Variants in XYLT1 observed in about 807,000 individuals in gnomAD.
The protein encoded by XYLT1 is xylosyltransferase 1.
XYLT1 carries 36 observed loss-of-function variants against 91.3 expected under a neutral mutation model. The observed-to-expected ratio is 0.39, with a 90% CI of 0.30 to 0.52. The LOEUF (loss-of-function observed/expected upper bound fraction) is 0.52, where lower values mean the gene tolerates loss of function less well. Among genes scored for constraint, XYLT1 ranks in the 20% least tolerant of loss-of-function variants. XYLT1 has a pLI of 0.68. For synonymous variants in XYLT1, 588 were observed against 532.0 expected, an observed-to-expected ratio of 1.11 and a Z score of -1.45; for missense variants, 1,242 against 1,284.5, an observed-to-expected ratio of 0.97 and a Z score of 0.51.
At chr16:17,450,369 A>C (rs1431482758) in intron 1 of XYLT1, among the ~76,000 whole-genome samples, 2 of 152,006 alleles carry the variant, frequency 1.3e-5, no homozygotes, top group African/African-American at 2.4e-5. Context: ...AAACAAAAAA[A>C]AAAAGGTGAG....
rs112220050 is a variant in XYLT1 at position 17,151,480 on chromosome 16, G to A, written c.1370+7349C>T. Among the ~76,000 whole-genome samples the A allele has an allele frequency of 1.8e-3, 267 of 152,200 alleles. 2 individuals carry two copies. Among genetic ancestry groups the A allele is most frequent in the Admixed American group, 3.2e-3 (49 of 15,294 alleles). On this transcript the variant is annotated intron_variant, in intron 6 of 11. Coordinates refer to ENST00000261381, the MANE Select transcript of XYLT1 (RefSeq NM_022166.4). ...CTCTGCTTGGCTTCAAGTCTGTCTC[G>A]CCACCTATGAGCTGTGTGTTATTTA...
intron 3 of XYLT1, among the ~76,000 whole-genome samples, chr16:17,235,608 T>C (rs1055289087): frequency 6.6e-6 from 1 of 152,222 alleles, no homozygotes; most frequent in South Asian, 2.1e-4. Context: ...GTAGAAATTA[T>C]GCATTCAGGA....
intron 1 of XYLT1, among the ~76,000 whole-genome samples, chr16:17,364,870 A>C (rs552230208): frequency 1.3e-3 from 205 of 152,298 alleles, no homozygotes; most frequent in African/African-American, 4.7e-3. Flanking sequence ...ACTGAATCAG[A>C]ATCTCTGGGC....
At chr16:17,464,273 G>A (rs1255948392) in intron 1 of XYLT1, among the ~76,000 whole-genome samples, 1 of 152,142 alleles carries the variant, frequency 6.6e-6, no homozygotes, top group Non-Finnish European at 1.5e-5. Context: ...CAGATCACCT[G>A]AGGCCAGGAG....
chr16:17,384,922 A>C (rs1163082721), intron 1 of XYLT1, among the ~76,000 whole-genome samples: 2 of 151,834 alleles, frequency 1.3e-5, no homozygotes, highest in African/African-American at 2.4e-5. Flanking sequence ...GAGAAAGCAA[A>C]AAATCAATCG....
At chr16:17,248,745 A>ATTTTT (rs1045404682) in intron 3 of XYLT1, among the ~76,000 whole-genome samples, 20 of 127,016 alleles carry the variant, frequency 1.6e-4, no homozygotes, top group African/African-American at 6.1e-4. Context: ...TTACATGTGA[A>ATTTTT]TTTTTTTTTT....
At chr16:17,370,473 C>T (rs762003511) in intron 1 of XYLT1, among the ~76,000 whole-genome samples, 13 of 152,078 alleles carry the variant, frequency 8.5e-5, no homozygotes, top group Non-Finnish European at 1.5e-4. Flanking sequence ...GAGACATCTG[C>T]GGGGAGGGCA....
intron 11 of XYLT1, among the ~76,000 whole-genome samples, chr16:17,116,641 C>T (rs989157414): frequency 2.6e-5 from 4 of 152,182 alleles, no homozygotes; most frequent in Non-Finnish European, 5.9e-5. Flanking sequence ...AGCATTTCTG[C>T]ACATGTCTCT....
intron 2 of XYLT1, among the ~76,000 whole-genome samples, chr16:17,352,869 T>G (rs2035241067): frequency 6.6e-6 from 1 of 152,230 alleles, no homozygotes; most frequent in Non-Finnish European, 1.5e-5. Flanking sequence ...TGCTGTATCT[T>G]TCACAGTTAG....
intron 1 of XYLT1, among the ~76,000 whole-genome samples, chr16:17,404,104 G>T (rs539577065): frequency 5.1e-4 from 78 of 152,266 alleles, no homozygotes; most frequent in African/African-American, 1.6e-3. Flanking sequence ...TGTGGTTGGG[G>T]GGGGGGCTCA....
At chr16:17,451,520 T>C (rs1417764565) in intron 1 of XYLT1, among the ~76,000 whole-genome samples, 1 of 152,218 alleles carries the variant, frequency 6.6e-6, no homozygotes, top group Non-Finnish European at 1.5e-5. Flanking sequence ...GTGCAGTGAC[T>C]GGCACCTAGT....
chr16:17,138,105 C>CCTAAAATGGAATA, intron 8 of XYLT1: 1 of 432,714 alleles, frequency 2.3e-6, no homozygotes, highest in Non-Finnish European at 4.1e-6. Flanking sequence ...TTTTCATATC[C>CCTAAAATGGAATA]CTAAAATGGA....
At chr16:17,222,076 G>C (rs2032978685) in intron 3 of XYLT1, among the ~76,000 whole-genome samples, 2 of 152,304 alleles carry the variant, frequency 1.3e-5, no homozygotes, top group African/African-American at 2.4e-5. Context: ...AACTGGCTTG[G>C]CCAAGAAGTA....
intron 2 of XYLT1, among the ~76,000 whole-genome samples, chr16:17,316,425 C>A (rs950537412): frequency 1.3e-5 from 2 of 152,116 alleles, no homozygotes; most frequent in African/African-American, 4.8e-5. Flanking sequence ...TTGAGACAGT[C>A]TCTCTCTGTC....
intron 2 of XYLT1, among the ~76,000 whole-genome samples, chr16:17,327,555 A>C (rs138019130): frequency 7.3e-6 from 1 of 136,162 alleles, no homozygotes; most frequent in East Asian, 2.6e-4. Flanking sequence ...GTAGAGACGG[A>C]GTTTCACCGT....
At chr16:17,444,045 G>A (rs2036563596) in intron 1 of XYLT1, among the ~76,000 whole-genome samples, 1 of 152,054 alleles carries the variant, frequency 6.6e-6, no homozygotes, top group Non-Finnish European at 1.5e-5. Context: ...TCAACTCTTT[G>A]AATCCCAAGC....
chr16:17,190,127 T>C (rs1278536101), intron 5 of XYLT1, among the ~76,000 whole-genome samples: 1 of 152,196 alleles, frequency 6.6e-6, no homozygotes, highest in Non-Finnish European at 1.5e-5. Context: ...TGCCAGAGAC[T>C]GAGGAGAGGT....
intron 1 of XYLT1, among the ~76,000 whole-genome samples, chr16:17,448,432 A>C (rs2036621124): frequency 6.6e-6 from 1 of 152,152 alleles, no homozygotes; most frequent in Non-Finnish European, 1.5e-5. Flanking sequence ...GCATCTTAAA[A>C]TGAAGCATAT....
intron 1 of XYLT1, among the ~76,000 whole-genome samples, chr16:17,454,161 C>G (rs2036704423): frequency 6.6e-6 from 1 of 152,156 alleles, no homozygotes; most frequent in Non-Finnish European, 1.5e-5. Flanking sequence ...TAATTCCGCT[C>G]CTAGGTATAT....
Sources: allele counts gnomAD v4.1 joint callset (sites outside exome capture counted in the v4.1 genomes callset), GRCh38; gene constraint gnomAD v4.1.1; transcripts MANE v1.5; gene names NCBI Gene and HGNC (gene_info 2026-07-23, HGNC 2026-07-21).